The following ARHGAP15 variants were observed in gnomAD, a reference collection of about 807,000 sequenced individuals.
ARHGAP15 encodes Rho GTPase activating protein 15.
ARHGAP15 carries 51 observed loss-of-function variants against 63.7 expected under a neutral mutation model. The ratio of observed to expected loss-of-function variants is 0.80; its 90% CI spans 0.64 to 1.01. The LOEUF is 1.01. Ranked by LOEUF, ARHGAP15 falls within the 50% of genes least tolerant of loss-of-function variation. The pLI, the probability that ARHGAP15 is intolerant of heterozygous loss-of-function variation, is 0.00. For missense variants in ARHGAP15, 560 were observed against 564.6 expected, an observed-to-expected ratio of 0.99 and a Z score of 0.08; for synonymous variants, 191 against 193.8, an observed-to-expected ratio of 0.99 and a Z score of 0.12.
chr2:143,627,231 C>T (rs929696358), intron 12 of ARHGAP15, among the ~76,000 whole-genome samples: 3 of 152,128 alleles, frequency 2.0e-5, no homozygotes, highest in African/African-American at 7.2e-5. Flanking sequence ...CTTGCTTCAA[C>T]TCAAAACAGA....
intron 5 of ARHGAP15, among the ~76,000 whole-genome samples, chr2:143,243,128 T>A (rs983353934): frequency 1.3e-5 from 2 of 152,128 alleles, no homozygotes; most frequent in African/African-American, 4.8e-5. Flanking sequence ...GAAGCTATCA[T>A]CAAGCTAAAG....
At chr2:143,614,135 C>G (rs751595151) in intron 11 of ARHGAP15, among the ~76,000 whole-genome samples, 1 of 152,112 alleles carries the variant, frequency 6.6e-6, no homozygotes, top group Non-Finnish European at 1.5e-5. Flanking sequence ...CCTGCACCAC[C>G]CTCACTCACC....
At chr2:143,728,624 T>C (rs1275096533) in intron 13 of ARHGAP15, among the ~76,000 whole-genome samples, 1 of 152,178 alleles carries the variant, frequency 6.6e-6, no homozygotes, top group Admixed American at 6.5e-5. Flanking sequence ...ATGATGACTT[T>C]GTAAGGTTTA....
intron 2 of ARHGAP15, among the ~76,000 whole-genome samples, chr2:143,156,251 G>T (rs763761264): frequency 1.3e-5 from 2 of 151,812 alleles, no homozygotes; most frequent in Non-Finnish European, 2.9e-5. Flanking sequence ...ACTGCCAATT[G>T]TGTCGCTGGC....
In ARHGAP15 at chr2:143,263,609, C is replaced by A. The variant is rs187618620; in HGVS notation, c.474+13009C>A. 3.3e-5 allele frequency among the ~76,000 whole-genome samples: 5 copies of A among 152,322 alleles called. No individual in the cohort carries two copies. The East Asian group carries it at 5.8e-4, about 18-fold the overall frequency. ...GGCTAAAGAACTTCAACTGACCAGT[C>A]ATCTGGTACATTGGCTTACCCTCTG... On this transcript the variant is annotated intron_variant, in intron 6 of 13. Transcript: ENST00000295095.
chr2:143,670,209 T>A (rs1036717115), intron 12 of ARHGAP15, among the ~76,000 whole-genome samples: 22 of 152,118 alleles, frequency 1.4e-4, no homozygotes, highest in African/African-American at 5.3e-4. Flanking sequence ...CCAACCACAT[T>A]TCAGCCACCT....
At chr2:143,603,108 C>T (rs956142672) in intron 11 of ARHGAP15, among the ~76,000 whole-genome samples, 1 of 152,114 alleles carries the variant, frequency 6.6e-6, no homozygotes, top group Non-Finnish European at 1.5e-5. Context: ...GCCTGCCTGG[C>T]TGCTATATGT....
At chr2:143,167,972 A>C (rs966470617) in intron 2 of ARHGAP15, among the ~76,000 whole-genome samples, 1 of 152,146 alleles carries the variant, frequency 6.6e-6, no homozygotes, top group African/African-American at 2.4e-5. Flanking sequence ...AGATGAGGAC[A>C]TAATGTGGTA....
chr2:143,219,991 T>A (rs1692923483), intron 4 of ARHGAP15, among the ~76,000 whole-genome samples: 1 of 152,222 alleles, frequency 6.6e-6, no homozygotes, highest in Non-Finnish European at 1.5e-5. Flanking sequence ...TCCAAGTTTA[T>A]GGGGCTTGTT....
At chr2:143,667,588 A>ATT (rs1559114700) in intron 12 of ARHGAP15, among the ~76,000 whole-genome samples, 13 of 140,386 alleles carry the variant, frequency 9.3e-5, no homozygotes, top group South Asian at 2.3e-4. Context: ...AAATTAAAAA[A>ATT]AAAAAAAAAA....
At chr2:143,673,988 C>T (rs1293561537) in intron 12 of ARHGAP15, among the ~76,000 whole-genome samples, 1 of 151,470 alleles carries the variant, frequency 6.6e-6, no homozygotes, top group Non-Finnish European at 1.5e-5. Flanking sequence ...ATTAAAAAGA[C>T]TATTAATGTG....
In ARHGAP15 at chr2:143,228,596, T is replaced by C. The variant is rs773944651; in HGVS notation, c.312T>C (p.Thr104=). ...TTGTCCTAAGGAAAAACTGGTCTACTTCCTGGATTGTTCTTTCTAGTCGAA... is the reference window on the plus strand; with the variant it reads ...TTGTCCTAAGGAAAAACTGGTCTACCTCCTGGATTGTTCTTTCTAGTCGAA... ...GGKKLRKNWS[T]SWIVLSSRRI... Residue 104 remains threonine, a synonymous_variant, in exon 5 of 14, where the codon ACT becomes ACC. Coordinates refer to ENST00000295095, the MANE Select transcript of ARHGAP15 (RefSeq NM_018460.4). 4 of 1,609,260 alleles carry C rather than the reference T, an allele frequency of 2.5e-6. No homozygotes were observed. The highest frequency in any genetic ancestry group is 3.4e-6 in the Non-Finnish European group (4 of 1,177,760).
At chr2:143,443,053 T>C (rs1444379972) in intron 8 of ARHGAP15, among the ~76,000 whole-genome samples, 2 of 152,178 alleles carry the variant, frequency 1.3e-5, no homozygotes, top group Non-Finnish European at 2.9e-5. Context: ...ACTTTTAAGA[T>C]ATTTATTATT....
At chr2:143,713,760 G>A (rs946321682) in intron 13 of ARHGAP15, among the ~76,000 whole-genome samples, 1 of 152,192 alleles carries the variant, frequency 6.6e-6, no homozygotes, top group Admixed American at 6.5e-5. Context: ...ATCCAGTGGG[G>A]CAGTCAAATT....
At chr2:143,213,539 G>C (rs1198297955) in intron 3 of ARHGAP15, among the ~76,000 whole-genome samples, 2 of 152,058 alleles carry the variant, frequency 1.3e-5, no homozygotes, top group African/African-American at 4.8e-5. Flanking sequence ...TAAAGAAGAT[G>C]AAGGAAAATA....
At position 143,240,390 on chromosome 2, in the gene ARHGAP15, A is replaced by G. The variant is rs185249479; in HGVS notation, c.385-10121A>G. Among the ~76,000 whole-genome samples the G allele has an allele frequency of 2.2e-3, 337 of 152,298 alleles. 4 individuals carry two copies. The highest frequency in any genetic ancestry group is 4.1e-3 in the Non-Finnish European group (281 of 68,008). On this transcript the variant is annotated intron_variant, in intron 5 of 13. Coordinates refer to ENST00000295095, the MANE Select transcript of ARHGAP15 (RefSeq NM_018460.4). Reference sequence around the variant, plus strand: ...TAGCAAAAAGATGAAAATAGTTTCAATCAGAAAGCTATTCATGAATTATTG... The same window carrying G: ...TAGCAAAAAGATGAAAATAGTTTCAGTCAGAAAGCTATTCATGAATTATTG...
chr2:143,688,049 C>T (rs1559126936), intron 12 of ARHGAP15, among the ~76,000 whole-genome samples: 1 of 151,994 alleles, frequency 6.6e-6, no homozygotes. Context: ...TAACAATAAC[C>T]ATGTTTTGGG....
intron 3 of ARHGAP15, among the ~76,000 whole-genome samples, chr2:143,214,612 T>C (rs1692679514): frequency 6.6e-6 from 1 of 152,198 alleles, no homozygotes; most frequent in Admixed American, 6.5e-5. Context: ...CCTTAGATGC[T>C]GTAGAGTTGT....
Position 143,320,665 on chromosome 2 carries a change from G to A in ARHGAP15, c.474+70065G>A, listed in dbSNP as rs79917398. 3.7e-3 allele frequency among the ~76,000 whole-genome samples: 568 copies of A among 152,092 alleles called. 6 individuals are homozygous for A. Among genetic ancestry groups the A allele is most frequent in the African/African-American group, 0.013 (524 of 41,510 alleles). ...AAGATCATAGCAAAGAGTTAAAAAT[G>A]AGACTAGACAGGGAAGCTTGGGAAA... On this transcript the variant is annotated intron_variant, in intron 6 of 13. Coordinates refer to ENST00000295095, the MANE Select transcript of ARHGAP15 (RefSeq NM_018460.4).
Sources: gnomAD v4.1 joint callset for allele counts (sites outside exome capture counted in the v4.1 genomes callset) on GRCh38, gnomAD v4.1.1 for gene constraint, MANE v1.5 for transcripts, NCBI Gene and HGNC (gene_info 2026-07-23, HGNC 2026-07-21) for gene names.